PTPRJ: variants seen among roughly 807,000 people sequenced by gnomAD.
The protein encoded by PTPRJ is receptor-type tyrosine-protein phosphatase eta.
Under a neutral mutation model 141.3 loss-of-function variants are expected in PTPRJ, and 129 were observed. That is an observed-to-expected ratio of 0.91 (90% CI 0.79 to 1.06). The LOEUF (loss-of-function observed/expected upper bound fraction) is 1.06. Ranked by LOEUF, PTPRJ falls within the 50% of genes least tolerant of loss-of-function variation. The pLI is 0.00. For synonymous variants in PTPRJ, 610 were observed against 640.5 expected (o/e 0.95, Z 0.72); for missense variants, 1,601 against 1,679.7 (o/e 0.95, Z 0.82).
intron 7 of PTPRJ, 136 bp downstream of exon 7, chr11:48,128,179 C>T: frequency 8.7e-7 from 1 of 1,146,542 alleles, no homozygotes. Context: ...GCTTTCCTTG[C>T]ACTGGCACAT....
intron 1 of PTPRJ, among the ~76,000 whole-genome samples, chr11:48,063,015 A>G (rs962946073): frequency 4.6e-5 from 7 of 152,138 alleles, no homozygotes; most frequent in African/African-American, 1.7e-4. Flanking sequence ...AAAAAAGAGA[A>G]CTGATGCCTA....
intron 7 of PTPRJ, 101 bp downstream of exon 7, chr11:48,128,144 C>T: frequency 7.1e-7 from 1 of 1,408,658 alleles, no homozygotes; most frequent in Non-Finnish European, 9.7e-7. Context: ...TGTTGGCTGA[C>T]CACACGCCAA....
chr11:48,021,416 TAAATAAAATA>T (rs747260239), intron 1 of PTPRJ, among the ~76,000 whole-genome samples: 7 of 104,370 alleles, frequency 6.7e-5, no homozygotes, highest in African/African-American at 1.4e-4. Flanking sequence ...AATAAATAAA[TAAATAAAATA>T]AAATAAAATA....
intron 1 of PTPRJ, among the ~76,000 whole-genome samples, chr11:48,057,635 A>G (rs777447152): frequency 3.9e-5 from 6 of 152,044 alleles, no homozygotes; most frequent in African/African-American, 7.2e-5. Context: ...CCTGAGTGAG[A>G]GAAATCACTC....
intron 1 of PTPRJ, among the ~76,000 whole-genome samples, chr11:48,079,006 G>A (rs1011562677): frequency 2.0e-5 from 3 of 151,998 alleles, no homozygotes; most frequent in African/African-American, 4.8e-5. Flanking sequence ...GGGTGAATGA[G>A]TGTATGACTG....
intron 1 of PTPRJ, among the ~76,000 whole-genome samples, chr11:48,082,385 A>AGG (rs1855582028): frequency 6.7e-6 from 1 of 149,488 alleles, no homozygotes; most frequent in Admixed American, 6.7e-5. Context: ...CTGGGACCAC[A>AGG]GGCTTACACC....
At chr11:48,146,009 T>C (rs904541494) in intron 14 of PTPRJ, among the ~76,000 whole-genome samples, 15 of 152,136 alleles carry the variant, frequency 9.9e-5, no homozygotes, top group African/African-American at 3.6e-4. Flanking sequence ...CCACCATGCC[T>C]GGCTAATTTT....
chr11:47,999,820 C>G (rs1188959162), intron 1 of PTPRJ, among the ~76,000 whole-genome samples: 1 of 151,606 alleles, frequency 6.6e-6, no homozygotes, highest in Non-Finnish European at 1.5e-5. Context: ...TTATCAAATG[C>G]CACCCATATG....
Position 48,150,513 on chromosome 11 carries a change from TC to T in PTPRJ, c.3138+332del, listed in dbSNP as rs576418721. ...ACTCCTGACTGAAGCACAGCCACTT[TC>T]CTTAGAAATTGGCTTGTTTTTCCTG... On this transcript the variant is annotated intron_variant, in intron 18 of 24. Coordinates refer to ENST00000418331, the MANE Select transcript of PTPRJ (RefSeq NM_002843.4). 8.0e-4 allele frequency among the ~76,000 whole-genome samples: 122 copies of T among 152,368 alleles called. 1 individual carries two copies. Among genetic ancestry groups the T allele is most frequent in the African/African-American group, 2.8e-3 (117 of 41,588 alleles).
chr11:48,002,954 A>G (rs1042601372), intron 1 of PTPRJ, among the ~76,000 whole-genome samples: 8 of 92,434 alleles, frequency 8.7e-5, no homozygotes, highest in African/African-American at 3.8e-4. Context: ...TAGAGAAAGG[A>G]AAAAAAAAAG....
chr11:48,036,922 T>G (rs973356291), intron 1 of PTPRJ, among the ~76,000 whole-genome samples: 9 of 152,246 alleles, frequency 5.9e-5, no homozygotes, highest in African/African-American at 2.2e-4. Flanking sequence ...TTTTTTAACT[T>G]GGCAGTGGTT....
intron 3 of PTPRJ, among the ~76,000 whole-genome samples, chr11:48,113,379 C>A (rs1856486482): frequency 6.6e-6 from 1 of 152,184 alleles, no homozygotes; most frequent in South Asian, 2.1e-4. Context: ...TTAATACCTG[C>A]CTGGCATTCT....
At chr11:48,013,839 G>T (rs1402748765) in intron 1 of PTPRJ, among the ~76,000 whole-genome samples, 2 of 152,162 alleles carry the variant, frequency 1.3e-5, no homozygotes, top group African/African-American at 2.4e-5. Flanking sequence ...AGAAAGTGCT[G>T]CCCTCCCAGT....
In PTPRJ at chr11:48,144,878, T is replaced by C; in HGVS notation, c.2779T>C (p.Ser927Pro). 1 of 1,614,140 alleles carries C rather than the reference T, an allele frequency of 6.2e-7. No individual in the cohort carries two copies. The highest frequency in any genetic ancestry group is 8.5e-7 in the Non-Finnish European group (1 of 1,179,994). ...CAATGGGAAGCTGGAACCTCTGGGC[T>C]CCTACCGGTAATGTCTTCTGGTTCT... ...YYNGKLEPLG[S>P]YRACVAGFTN... Residue 927 changes from serine (S) to proline (P), a missense_variant, in exon 13 of 25, where the codon TCC becomes CCC. By Grantham distance (74) the Ser-to-Pro change is moderately conservative. Coordinates refer to ENST00000418331, the MANE Select transcript of PTPRJ (RefSeq NM_002843.4).
intron 12 of PTPRJ, 92 bp from the exon 13 acceptor site, chr11:48,144,583 A>G (rs777818790): frequency 1.4e-5 from 14 of 1,016,086 alleles, no homozygotes; most frequent in Middle Eastern, 2.1e-4. Flanking sequence ...GCTGATCACT[A>G]TCACCCAACA....
intron 1 of PTPRJ, among the ~76,000 whole-genome samples, chr11:47,996,845 A>C (rs1367586984): frequency 1.3e-5 from 2 of 152,206 alleles, no homozygotes; most frequent in East Asian, 1.9e-4. Context: ...ATGGGGGTGC[A>C]GGGGTGGAAG....
chr11:47,983,032 C>CT (rs1853953623), intron 1 of PTPRJ, among the ~76,000 whole-genome samples: 2 of 152,102 alleles, frequency 1.3e-5, no homozygotes, highest in East Asian at 3.8e-4. Flanking sequence ...CTGGACCAGA[C>CT]TTTCAAGACA....
intron 24 of PTPRJ, among the ~76,000 whole-genome samples, chr11:48,166,027 ATT>A (rs376872364): frequency 1.4e-5 from 2 of 147,150 alleles, no homozygotes; most frequent in Non-Finnish European, 1.5e-5. Context: ...TGCCCAGCTA[ATT>A]TTTTTTTTGT....
intron 1 of PTPRJ, among the ~76,000 whole-genome samples, chr11:48,009,749 C>A (rs1854729576): frequency 6.6e-6 from 1 of 152,238 alleles, no homozygotes; most frequent in Non-Finnish European, 1.5e-5. Context: ...TGCCCCTGGG[C>A]AAGTCACTGG....
Sources: gnomAD v4.1 joint callset for allele counts (sites outside exome capture counted in the v4.1 genomes callset) on GRCh38, gnomAD v4.1.1 for gene constraint, MANE v1.5 for transcripts, NCBI Gene and HGNC (gene_info 2026-07-23, HGNC 2026-07-21) for gene names.